URI1: variants seen among roughly 807,000 people sequenced by gnomAD.
The protein encoded by URI1 is unconventional prefoldin RPB5 interactor 1.
URI1 carries 39 observed loss-of-function variants against 60.2 expected under a neutral mutation model. The ratio of observed to expected loss-of-function variants is 0.65; its 90% CI spans 0.50 to 0.85. The LOEUF (loss-of-function observed/expected upper bound fraction) is 0.85, where lower values mean the gene tolerates loss of function less well. Ranked by LOEUF, URI1 falls within the 40% of genes least tolerant of loss-of-function variation. URI1 has a pLI of 0.00. For missense variants in URI1, 691 were observed against 665.9 expected (o/e 1.04, Z -0.42); for synonymous variants, 251 against 236.8 (o/e 1.06, Z -0.55).
chr19:29,943,122 TAAA>T (rs397966770), intron 1 of URI1, among the ~76,000 whole-genome samples: 1 of 149,248 alleles, frequency 6.7e-6, no homozygotes, highest in Non-Finnish European at 1.5e-5. Flanking sequence ...ATTTAAACAT[TAAA>T]AAAAAAAGAG....
chr19:29,954,976 C>T (rs1438668972), intron 1 of URI1, among the ~76,000 whole-genome samples: 1 of 152,016 alleles, frequency 6.6e-6, no homozygotes, highest in Non-Finnish European at 1.5e-5. Context: ...CTGGGAATTA[C>T]TCTGGTTCAT....
At position 30,011,152 on chromosome 19, in the gene URI1, C is replaced by A; in HGVS notation, c.1094C>A (p.Ala365Asp). The A allele has an allele frequency of 6.2e-7, 1 of 1,612,476 alleles. No individual in the cohort carries two copies. The highest frequency in any genetic ancestry group is 8.5e-7 in the Non-Finnish European group (1 of 1,179,400). Residue 365 changes from alanine (A) to aspartate (D), a missense_variant, in exon 9 of 11, where the codon GCC becomes GAC. Physicochemically the swap from Ala to Asp is moderately radical, Grantham distance 126. Transcript: ENST00000392271. ...TLKFSEKKEE[A>D]KRKRKNSTGS... is the part of the protein sequence containing the mutation. ...AAATTCAGTGAAAAGAAAGAAGAAG[C>A]CAAACGTAAACGAAAGAACAGCACT...
intron 1 of URI1, chr19:29,956,907 T>G (rs1418541844): frequency 1.7e-6 from 2 of 1,173,902 alleles, no homozygotes; most frequent in Non-Finnish European, 2.5e-6. Context: ...CTGGGGCCCT[T>G]TATGATAACT....
chr19:30,005,336 A>G, intron 4 of URI1, 25 bp from the exon 5 acceptor site: 2 of 1,375,198 alleles, frequency 1.5e-6, no homozygotes, highest in Non-Finnish European at 2.0e-6. Context: ...CATGCTTTAC[A>G]TAATGGTTGT....
chr19:29,993,065 A>G (rs1473492807), intron 4 of URI1, among the ~76,000 whole-genome samples: 1 of 152,200 alleles, frequency 6.6e-6, no homozygotes, highest in East Asian at 1.9e-4. Context: ...TATCTGACAC[A>G]TTTATTTTAT....
intron 2 of URI1, chr19:29,980,508 GAAA>G (rs2055579404): frequency 2.1e-5 from 3 of 145,982 alleles, no homozygotes; most frequent in Non-Finnish European, 3.0e-5. Context: ...CACTTATATA[GAAA>G]TTTTTTTCCT....
At chr19:30,010,992 C>T in intron 8 of URI1, 102 bp from the exon 9 acceptor site, 1 of 1,306,916 alleles carries the variant, frequency 7.7e-7, no homozygotes, top group Non-Finnish European at 1.0e-6. Flanking sequence ...ATTTCAGCTG[C>T]CTCTCTTACT....
intron 1 of URI1, among the ~76,000 whole-genome samples, chr19:29,954,540 G>A (rs2055219831): frequency 8.2e-6 from 1 of 121,652 alleles, no homozygotes; most frequent in South Asian, 2.5e-4. Flanking sequence ...TTGAGACAGA[G>A]TTTCACTCTT....
In URI1 at chr19:30,015,819, C is replaced by T. The variant is rs1027225891; in HGVS notation, c.*750C>T. ...AATTCTTTCAGTTCCTCAGATACTT[C>T]TCCCTTAGTTTTTGCAGTTTCACTG... On this transcript the variant is annotated 3_prime_UTR_variant, in exon 11 of 11. Coordinates refer to ENST00000392271, the MANE Select transcript of URI1 (RefSeq NM_003796.3). 2 of 402,968 alleles carry T rather than the reference C, an allele frequency of 5.0e-6. No individual in the cohort carries two copies. Among genetic ancestry groups the T allele is most frequent in the Admixed American group, 4.3e-5 (1 of 23,112 alleles). 25.0% of individuals were successfully genotyped at this position (402,968 alleles called of 1,614,324 possible).
intron 1 of URI1, among the ~76,000 whole-genome samples, chr19:29,964,320 T>C (rs1032918815): frequency 1.3e-5 from 2 of 152,128 alleles, no homozygotes; most frequent in African/African-American, 4.8e-5. Context: ...GTTACAAGCT[T>C]TTTTTGTCCT....
intron 1 of URI1, among the ~76,000 whole-genome samples, chr19:29,951,754 G>T (rs1475036310): frequency 6.6e-6 from 1 of 152,028 alleles, no homozygotes; most frequent in East Asian, 1.9e-4. Flanking sequence ...CACCATGTTG[G>T]CCAGGCTGGT....
chr19:29,925,477 T>C (rs2054857640), intron 1 of URI1: 1 of 152,210 alleles, frequency 6.6e-6, no homozygotes, highest in Non-Finnish European at 1.5e-5. Context: ...AGTCTAGACA[T>C]TGCATCAATT....
chr19:30,001,991 C>T (rs1020478152), intron 4 of URI1, among the ~76,000 whole-genome samples: 1 of 151,816 alleles, frequency 6.6e-6, no homozygotes, highest in African/African-American at 2.4e-5. Flanking sequence ...GTATTTCCAC[C>T]AGGGGGCACG....
intron 4 of URI1, 113 bp downstream of exon 4, chr19:29,986,530 G>T (rs938333032): frequency 2.3e-5 from 31 of 1,324,064 alleles, no homozygotes; most frequent in Non-Finnish European, 6.2e-6. Flanking sequence ...ATGAATCCAG[G>T]CTGTTTGTGA....
At chr19:29,929,940 CTT>C (rs201789370) in intron 1 of URI1, among the ~76,000 whole-genome samples, 1,506 of 136,184 alleles carry the variant, frequency 0.011, 23 homozygotes, top group African/African-American at 0.039. Context: ...GACAGTGTCT[CTT>C]TTTTTTTTTT....
intron 2 of URI1, among the ~76,000 whole-genome samples, chr19:29,982,507 A>C (rs1020378084): frequency 6.6e-6 from 1 of 152,194 alleles, no homozygotes; most frequent in Non-Finnish European, 1.5e-5. Context: ...TTAGATATCT[A>C]GGCTGGTGTA....
intron 1 of URI1, among the ~76,000 whole-genome samples, chr19:29,954,985 A>G (rs1338768505): frequency 6.6e-6 from 1 of 152,014 alleles, no homozygotes; most frequent in Non-Finnish European, 1.5e-5. Flanking sequence ...ACTCTGGTTC[A>G]TAGAGATATT....
intron 10 of URI1, 102 bp from the exon 11 acceptor site, chr19:30,014,785 G>A (rs1483233453): frequency 3.3e-6 from 4 of 1,216,514 alleles, no homozygotes; most frequent in Non-Finnish European, 4.6e-6. Flanking sequence ...AAAATCTCGT[G>A]AATTTACTTT....
Position 30,016,286 on chromosome 19 carries a change from TGC to T in URI1, c.*1218_*1219del, listed in dbSNP as rs2056084620. 6.6e-6 allele frequency: 1 copy of T among 152,150 alleles called. No homozygotes were observed. The highest frequency in any genetic ancestry group is 1.5e-5 in the Non-Finnish European group (1 of 67,970). The allele number at this position is 152,150 out of a possible 1,614,324, so 9.4% of individuals were successfully genotyped here. A position where few individuals can be genotyped will look rare whatever the true frequency, so the allele number is the denominator to read the frequency against. On this transcript the variant is annotated 3_prime_UTR_variant, in exon 11 of 11. Coordinates refer to ENST00000392271, the MANE Select transcript of URI1 (RefSeq NM_003796.3). ...TATTTTAATGACAAGGGGGCGAGCTTGCATCCCCACTAGTTAATGGATAATTC... is the reference window on the plus strand; with the variant it reads ...TATTTTAATGACAAGGGGGCGAGCTTATCCCCACTAGTTAATGGATAATTC...
Sources: allele counts gnomAD v4.1 joint callset (sites outside exome capture counted in the v4.1 genomes callset), GRCh38; gene constraint gnomAD v4.1.1; transcripts MANE v1.5; gene names NCBI Gene and HGNC (gene_info 2026-07-23, HGNC 2026-07-21).